MERTK: variants seen among roughly 807,000 people sequenced by gnomAD.
The protein encoded by MERTK is MER proto-oncogene, tyrosine kinase, also known as tyrosine-protein kinase Mer.
Under a neutral mutation model 99.3 loss-of-function variants are expected in MERTK, and 69 were observed. That is an observed-to-expected ratio of 0.70 (90% CI 0.57 to 0.85). The LOEUF is 0.85. Ranked by LOEUF, MERTK falls within the 40% of genes least tolerant of loss-of-function variation. The probability of loss-of-function intolerance (pLI) is 0.00; values close to 1 mark genes in which losing one functional copy is unlikely to be tolerated. For synonymous variants in MERTK, 426 were observed against 467.6 expected, an observed-to-expected ratio of 0.91 and a Z score of 1.15; for missense variants, 1,125 against 1,249.4, an observed-to-expected ratio of 0.90 and a Z score of 1.50.
At chr2:111,916,792 T>C (rs1684359262) in intron 1 of MERTK, among the ~76,000 whole-genome samples, 1 of 152,204 alleles carries the variant, frequency 6.6e-6, no homozygotes, top group Admixed American at 6.5e-5. Context: ...CCCTGGATCT[T>C]AGTTTAGTCT....
intron 15 of MERTK, among the ~76,000 whole-genome samples, chr2:112,017,262 C>T (rs1260563471): frequency 6.6e-6 from 1 of 152,002 alleles, no homozygotes; most frequent in African/African-American, 2.4e-5. Flanking sequence ...AGACACAGAG[C>T]ACCAATTGAT....
At chr2:111,920,161 G>C (rs1312161181) in intron 1 of MERTK, among the ~76,000 whole-genome samples, 1 of 152,216 alleles carries the variant, frequency 6.6e-6, no homozygotes, top group African/African-American at 2.4e-5. Context: ...CAGGTGTAAA[G>C]GGCTGTACTG....
chr2:111,938,458 T>C (rs1468690265), intron 2 of MERTK, among the ~76,000 whole-genome samples: 2 of 152,032 alleles, frequency 1.3e-5, no homozygotes, highest in African/African-American at 4.8e-5. Context: ...TTAAAAAGAC[T>C]CTAGAGCATA....
At chr2:112,002,939 C>T (rs1375603147) in intron 11 of MERTK, among the ~76,000 whole-genome samples, 153 bp from the exon 12 acceptor site, 1 of 152,132 alleles carries the variant, frequency 6.6e-6, no homozygotes, top group Non-Finnish European at 1.5e-5. Context: ...CACCATTGCA[C>T]TCCAGCCTGG....
chr2:111,999,486 A>G (rs920961725), intron 10 of MERTK, among the ~76,000 whole-genome samples: 4 of 152,036 alleles, frequency 2.6e-5, no homozygotes, highest in African/African-American at 7.3e-5. Context: ...TTTTATAGAG[A>G]TGAGGCATCT....
In MERTK at chr2:111,920,423, G is replaced by A. The variant is rs147897734; in HGVS notation, c.62-8697G>A. ...CTCTTGCAGGGCTTTGCTACACTTAGGGCAAATGGGTGGCGTGATCGCCTC... is the reference window on the plus strand; with the variant it reads ...CTCTTGCAGGGCTTTGCTACACTTAAGGCAAATGGGTGGCGTGATCGCCTC... On this transcript the variant is annotated intron_variant, in intron 1 of 18. Transcript: ENST00000295408. Among the ~76,000 whole-genome samples, 720 of 152,238 alleles carry A rather than the reference G, an allele frequency of 4.7e-3. 7 individuals are homozygous for A. The highest frequency in any genetic ancestry group is 0.017 in the African/African-American group (695 of 41,546).
At chr2:111,908,837 G>GA in intron 1 of MERTK, among the ~76,000 whole-genome samples, 1 of 152,090 alleles carries the variant, frequency 6.6e-6, no homozygotes, top group East Asian at 1.9e-4. Flanking sequence ...ATTCCAGGCA[G>GA]AAAAAAGCAG....
intron 4 of MERTK, among the ~76,000 whole-genome samples, chr2:111,964,310 C>T (rs894388548): frequency 6.6e-6 from 1 of 151,860 alleles, no homozygotes; most frequent in African/African-American, 2.4e-5. Context: ...CCAGCTTTGG[C>T]CATTGGGAAC....
intron 7 of MERTK, among the ~76,000 whole-genome samples, chr2:111,978,242 T>C (rs1300257413): frequency 6.6e-6 from 1 of 151,686 alleles, no homozygotes; most frequent in African/African-American, 2.4e-5. Context: ...ATCTGCCTCC[T>C]GAGTTCAAGC....
At chr2:111,978,927 G>A (rs1484808391) in intron 7 of MERTK, among the ~76,000 whole-genome samples, 5 of 152,122 alleles carry the variant, frequency 3.3e-5, no homozygotes, top group Admixed American at 2.0e-4. Context: ...GTCTCAGGTC[G>A]GTTATTACCC....
At chr2:111,926,364 A>G (rs1472023073) in intron 1 of MERTK, among the ~76,000 whole-genome samples, 1 of 152,210 alleles carries the variant, frequency 6.6e-6, no homozygotes, top group Non-Finnish European at 1.5e-5. Context: ...TCTGTAGCTC[A>G]GTGAATAGGA....
At chr2:112,012,224 C>A (rs78116208) in intron 15 of MERTK, among the ~76,000 whole-genome samples, 1 of 147,598 alleles carries the variant, frequency 6.8e-6, no homozygotes, top group Non-Finnish European at 1.5e-5. Flanking sequence ...ATGTGCATTC[C>A]CTTCCCCCCG....
rs1228215153 is a variant in MERTK at position 112,003,992 on chromosome 2, A to G, written c.1867+8A>G. On this transcript the variant is annotated splice_region_variant and intron_variant, in intron 13 of 18. Coordinates refer to ENST00000295408, the MANE Select transcript of MERTK (RefSeq NM_006343.3). The stretch of plus-strand genomic sequence containing the variant: ...CAGTGAAGACCATGAAGTGTGAGTT[A>G]TCAGTGATGAATCCCATTCTTCTAG... 3.1e-6 allele frequency: 5 copies of G among 1,605,974 alleles called. 1 individual carries two copies. In the South Asian group the frequency reaches 5.5e-5, roughly 18 times the overall value.
chr2:111,898,681 G>T lies in MERTK; in HGVS notation c.-55G>T. On this transcript the variant is annotated 5_prime_UTR_variant, in exon 1 of 19. Coordinates refer to ENST00000295408, the MANE Select transcript of MERTK (RefSeq NM_006343.3). ...GCTTGGCCGGCGACAGGACAGGTTC[G>T]GGACGTCCATCTGTCCATCCGTCCG... The T allele has an allele frequency of 6.4e-7, 1 of 1,569,970 alleles. No individual in the cohort carries two copies. The highest frequency in any genetic ancestry group is 2.3e-5 in the East Asian group (1 of 43,224).
At position 111,935,140 on chromosome 2, in the gene MERTK, A is replaced by G. The variant is rs576323428; in HGVS notation, c.482+5600A>G. On this transcript the variant is annotated intron_variant, in intron 2 of 18. Coordinates refer to ENST00000295408, the MANE Select transcript of MERTK (RefSeq NM_006343.3). The stretch of plus-strand genomic sequence containing the variant: ...ACCAAGAAATAGAGATATTGTAAAA[A>G]TCAATACACATATGCAAGTACACAC... Among the ~76,000 whole-genome samples, 12 of 152,336 alleles carry G rather than the reference A, an allele frequency of 7.9e-5. No individual in the cohort carries two copies. The South Asian group carries it at 2.5e-3, about 32-fold the overall frequency.
rs549164154 is a variant in MERTK, at chr2:111,977,730, G to A, written c.1144+2258G>A. Among the ~76,000 whole-genome samples the A allele has an allele frequency of 7.2e-5, 11 of 152,076 alleles. No individual in the cohort carries two copies. The South Asian group carries it at 2.3e-3, about 32-fold the overall frequency. On this transcript the variant is annotated intron_variant, in intron 7 of 18. Coordinates refer to ENST00000295408, the MANE Select transcript of MERTK (RefSeq NM_006343.3). ...TTGTCCCATAACTCACTGATGATCT[G>A]TTATTATTTTCCCCTTCTTTTATCT...
At chr2:111,909,099 C>G (rs767080677) in intron 1 of MERTK, among the ~76,000 whole-genome samples, 1 of 152,056 alleles carries the variant, frequency 6.6e-6, no homozygotes, top group East Asian at 1.9e-4. Context: ...TTTAGGATGG[C>G]TATGTCAAAA....
rs372199408 is a variant in MERTK, at chr2:112,028,668, G to A, written c.2804G>A (p.Ser935Asn). The stretch of plus-strand genomic sequence containing the variant: ...GGACGGTACATCCTGAATGGGGGCA[G>A]TGAGGAATGGGAAGATCTGACTTCT... ...HEGRYILNGG[S>N]EEWEDLTSAP... Residue 935 changes from serine (S) to asparagine (N), a missense_variant, in exon 19 of 19, where the codon AGT becomes AAT. Ser to Asn is a conservative substitution (Grantham distance 46, BLOSUM62 1). Coordinates refer to ENST00000295408, the MANE Select transcript of MERTK (RefSeq NM_006343.3). The A allele has an allele frequency of 3.7e-6, 6 of 1,614,128 alleles. No homozygotes were observed. The African/African-American group carries it at 8.0e-5, about 22-fold the overall frequency.
intron 4 of MERTK, among the ~76,000 whole-genome samples, chr2:111,959,295 G>A (rs201917969): frequency 2.6e-5 from 4 of 152,128 alleles, no homozygotes; most frequent in Non-Finnish European, 4.4e-5. Context: ...GCTTGACAAC[G>A]TGCCCAAAGT....
Sources: gnomAD v4.1 joint callset for allele counts (sites outside exome capture counted in the v4.1 genomes callset) on GRCh38, gnomAD v4.1.1 for gene constraint, MANE v1.5 for transcripts, NCBI Gene and HGNC (gene_info 2026-07-23, HGNC 2026-07-21) for gene names.